The following ERG variants were observed in gnomAD, a reference collection of about 807,000 sequenced individuals.
ERG encodes the protein transcriptional regulator ERG.
In ERG, 9 loss-of-function variants were observed where a neutral mutation model predicts 55.3. The observed-to-expected ratio is 0.16, with a 90% confidence interval of 0.10 to 0.28. The LOEUF (loss-of-function observed/expected upper bound fraction) is 0.28, where lower values mean the gene tolerates loss of function less well. Among genes scored for constraint, ERG ranks in the 10% least tolerant of loss-of-function variants. The pLI, the probability that ERG is intolerant of heterozygous loss-of-function variation, is 1.00. For synonymous variants in ERG, 223 were observed against 237.3 expected (o/e 0.94, Z 0.55); for missense variants, 434 against 631.6 (o/e 0.69, Z 3.35).
chr21:38,423,547 T>G lies in ERG; in HGVS notation c.251A>C (p.Glu84Ala). The change falls in exon 3 of 10, where the codon GAA becomes GCA. Residue 84 changes from glutamate (E) to alanine (A), a missense_variant. Around this residue, in one of 5 missense-constraint regions of ERG, gnomAD observed 212 missense variants for 262.9 expected, o/e 0.81. Coordinates refer to ENST00000288319, the MANE Select transcript of ERG (RefSeq NM_182918.4). ...CTTCCCGCCTTTGGCCACACTGCAT[T>G]CATCAGGAGAGTTCCTGGAGGAGAA... ...QVNGSRNSPDECSVAKGGKMV... is the reference protein window; with the variant it reads ...QVNGSRNSPDACSVAKGGKMV... 6.2e-7 allele frequency: 1 copy of G among 1,612,078 alleles called. No individual in the cohort carries two copies. The highest frequency in any genetic ancestry group is 1.1e-5 in the South Asian group (1 of 91,002).
chr21:38,583,526 A>G (rs941669303), intron 1 of ERG, among the ~76,000 whole-genome samples: 3 of 152,236 alleles, frequency 2.0e-5, no homozygotes, highest in Non-Finnish European at 2.9e-5. Flanking sequence ...GGACTTCTTC[A>G]GTAGGAAATG....
intron 1 of ERG, chr21:38,584,773 T>C (rs1223263205): frequency 6.6e-6 from 1 of 151,412 alleles, no homozygotes; most frequent in Non-Finnish European, 1.5e-5. Context: ...ACAAAATATT[T>C]ACATATCCAC....
intron 1 of ERG, among the ~76,000 whole-genome samples, chr21:38,595,571 T>C (rs1036324451): frequency 3.3e-5 from 5 of 152,188 alleles, no homozygotes; most frequent in Admixed American, 6.5e-5. Context: ...CTAGGACTGG[T>C]ACTCCTGCTG....
chr21:38,512,247 A>G (rs1201005188), intron 2 of ERG, among the ~76,000 whole-genome samples: 1 of 152,254 alleles, frequency 6.6e-6, no homozygotes, highest in East Asian at 1.9e-4. Flanking sequence ...GAAAATAAAA[A>G]TAAATAAACC....
At chr21:38,647,340 C>T (rs1299315926) in intron 1 of ERG, among the ~76,000 whole-genome samples, 1 of 152,130 alleles carries the variant, frequency 6.6e-6, no homozygotes, top group Admixed American at 6.5e-5. Context: ...TTTGCAAAGT[C>T]AAGTATTGGC....
chr21:38,633,979 G>C (rs1257108708), intron 1 of ERG, among the ~76,000 whole-genome samples: 2 of 151,992 alleles, frequency 1.3e-5, no homozygotes, highest in African/African-American at 2.4e-5. Context: ...AAATATAATG[G>C]TCTCAGATTT....
Position 38,380,107 on chromosome 21 carries a change from A to C in ERG, c.*3296T>G, listed in dbSNP as rs1987356127. 3 of 1,026,232 alleles carry C rather than the reference A, an allele frequency of 2.9e-6. No individual in the cohort carries two copies. The South Asian group carries it at 1.4e-4, about 47-fold the overall frequency. 63.6% of individuals were successfully genotyped at this position (1,026,232 alleles called of 1,614,324 possible). ...ACGACTTTATTTGAATGAATTAATG[A>C]GAAGCTAAATAAACTAGCTTTTTAA... On this transcript the variant is annotated 3_prime_UTR_variant, in exon 10 of 10. Coordinates refer to ENST00000288319, the MANE Select transcript of ERG (RefSeq NM_182918.4).
chr21:38,474,879 C>T (rs1484424492), intron 1 of ERG, among the ~76,000 whole-genome samples: 1 of 152,108 alleles, frequency 6.6e-6, no homozygotes, highest in Non-Finnish European at 1.5e-5. Flanking sequence ...GCATCGTAGA[C>T]AATATAGGAC....
chr21:38,653,364 C>G (rs568805977), intron 1 of ERG, among the ~76,000 whole-genome samples: 16 of 152,290 alleles, frequency 1.1e-4, no homozygotes, highest in South Asian at 2.1e-4. Context: ...CGGAGCACCC[C>G]CTCTGTGGAT....
rs2059767830 is a variant in ERG, at chr21:38,543,470, T to C, written c.-41+32192A>G. ...TTATATTATATAGTTTTCTGTGCTT[T>C]CCCAGTTATCTACAATGGGCATATA... is the stretch of plus-strand genomic sequence containing the variant. On this transcript the variant is annotated intron_variant, in intron 2 of 8. Transcript: ENST00000398897. Among the ~76,000 whole-genome samples, 2 of 152,208 alleles carry C rather than the reference T, an allele frequency of 1.3e-5. 1 individual carries two copies. The highest frequency in any genetic ancestry group is 4.1e-4 in the South Asian group (2 of 4,822).
chr21:38,610,661 A>T (rs2060221555), intron 1 of ERG, among the ~76,000 whole-genome samples: 1 of 152,224 alleles, frequency 6.6e-6, no homozygotes, highest in Admixed American at 6.5e-5. Context: ...TGAATGTTTG[A>T]TCTGAGCAAT....
At chr21:38,612,874 A>G (rs1008625746) in intron 1 of ERG, among the ~76,000 whole-genome samples, 9 of 151,950 alleles carry the variant, frequency 5.9e-5, no homozygotes, top group African/African-American at 2.2e-4. Context: ...TGTTAGCCAG[A>G]ATGGTCTCGA....
intron 2 of ERG, among the ~76,000 whole-genome samples, chr21:38,437,087 C>CTA (rs1704637918): frequency 6.6e-6 from 1 of 152,018 alleles, no homozygotes; most frequent in Admixed American, 6.6e-5. Context: ...GGGGGTTTCA[C>CTA]CATGTTGGCC....
At chr21:38,549,211 A>G (rs189891880) in intron 2 of ERG, among the ~76,000 whole-genome samples, 90 of 152,254 alleles carry the variant, frequency 5.9e-4, no homozygotes, top group Non-Finnish European at 1.0e-3. Flanking sequence ...CACAGGTATA[A>G]TGTTTTTATA....
rs1987417531 is a variant in ERG at position 38,381,177 on chromosome 21, A to G, written c.*2226T>C. ...ACATCCACAGCACAGAGGTTTGGCA[A>G]CTTCACATAATCATAGCAAAAGGAC... On this transcript the variant is annotated 3_prime_UTR_variant, in exon 10 of 10. Coordinates refer to ENST00000288319, the MANE Select transcript of ERG (RefSeq NM_182918.4). 5 of 1,065,266 alleles carry G rather than the reference A, an allele frequency of 4.7e-6. No individual in the cohort carries two copies. Among genetic ancestry groups the G allele is most frequent in the Non-Finnish European group, 5.7e-6 (5 of 879,210 alleles). The allele number at this position is 1,065,266 out of a possible 1,614,324, so 66.0% of individuals were successfully genotyped here.
At chr21:38,431,390 T>TTTTAAATAG (rs1990203230) in intron 2 of ERG, among the ~76,000 whole-genome samples, 5 of 152,344 alleles carry the variant, frequency 3.3e-5, no homozygotes, top group African/African-American at 1.2e-4. Context: ...ACTCCAGAGT[T>TTTTAAATAG]CTATTTATAA....
chr21:38,658,245 T>C (rs2060531242), intron 1 of ERG, among the ~76,000 whole-genome samples: 1 of 152,202 alleles, frequency 6.6e-6, no homozygotes, highest in Non-Finnish European at 1.5e-5. Context: ...CAACTTAAAC[T>C]GAGAAGTGAC....
intron 6 of ERG, among the ~76,000 whole-genome samples, chr21:38,396,717 T>C (rs899820002): frequency 2.0e-5 from 3 of 152,116 alleles, no homozygotes; most frequent in Non-Finnish European, 4.4e-5. Context: ...GTGCACTGTG[T>C]AGTTAATAGG....
chr21:38,489,568 T>C (rs2059317210), intron 1 of ERG, among the ~76,000 whole-genome samples: 1 of 152,260 alleles, frequency 6.6e-6, no homozygotes, highest in East Asian at 1.9e-4. Context: ...GTCACTTACA[T>C]TTGGCCTTGG....
Sources: allele counts gnomAD v4.1 joint callset (sites outside exome capture counted in the v4.1 genomes callset), GRCh38; gene constraint gnomAD v4.1.1; regional missense constraint gnomAD v4.1.1; transcripts MANE v1.5; gene names NCBI Gene and HGNC (gene_info 2026-07-23, HGNC 2026-07-21).